PLCL2: variants seen among roughly 807,000 people sequenced by gnomAD.
The protein encoded by PLCL2 is phospholipase C like 2, also known as inactive phospholipase C-like protein 2.
Under a neutral mutation model 79.6 loss-of-function variants are expected in PLCL2, and 4 were observed. The ratio of observed to expected loss-of-function variants is 0.05; its 90% CI spans 0.02 to 0.11. The LOEUF is 0.11. Ranked by LOEUF, PLCL2 falls within the 10% of genes least tolerant of loss-of-function variation. The pLI, the probability that PLCL2 is intolerant of heterozygous loss-of-function variation, is 1.00. For synonymous variants in PLCL2, 484 were observed against 457.7 expected (o/e 1.06, Z -0.73); for missense variants, 895 against 1,291.0 (o/e 0.69, Z 4.70).
At chr3:16,954,606 A>T (rs1439915102) in intron 1 of PLCL2, among the ~76,000 whole-genome samples, 3 of 152,034 alleles carry the variant, frequency 2.0e-5, no homozygotes, top group East Asian at 1.9e-4. Flanking sequence ...CCCCACACTG[A>T]CTTCCACAAT....
At chr3:17,043,293 TGA>T (rs546938470) in intron 4 of PLCL2, among the ~76,000 whole-genome samples, 266 of 152,318 alleles carry the variant, frequency 1.7e-3, no homozygotes, top group Non-Finnish European at 2.9e-3. Flanking sequence ...TGGTCACCCG[TGA>T]CTCTGGTACA....
chr3:17,043,468 T>A (rs1279292060), intron 4 of PLCL2, among the ~76,000 whole-genome samples: 1 of 152,206 alleles, frequency 6.6e-6, no homozygotes, highest in African/African-American at 2.4e-5. Context: ...AAAATTCTTC[T>A]TATATAAACA....
At chr3:17,064,260 A>G (rs989353949) in intron 4 of PLCL2, among the ~76,000 whole-genome samples, 1 of 152,040 alleles carries the variant, frequency 6.6e-6, no homozygotes, top group East Asian at 1.9e-4. Context: ...ATCTTAATGG[A>G]TTTATTTTGT....
At chr3:16,907,850 A>G (rs549839382) in intron 1 of PLCL2, among the ~76,000 whole-genome samples, 1 of 152,352 alleles carries the variant, frequency 6.6e-6, no homozygotes, top group South Asian at 2.1e-4. Context: ...ACCTGCCTTC[A>G]TAATGACTGC....
At position 17,090,020 on chromosome 3, in the gene PLCL2, A is replaced by C; in HGVS notation, c.*108A>C. On this transcript the variant is annotated 3_prime_UTR_variant, in exon 6 of 6. Transcript: ENST00000615277. ...ATGAGAATAATATTCGGGATTTTAA[A>C]GCACAACTGGAATAGCTAATTACAG... The C allele has an allele frequency of 7.0e-7, 1 of 1,430,068 alleles. No homozygotes were observed. Among genetic ancestry groups the C allele is most frequent in the Middle Eastern group, 2.0e-4 (1 of 4,928 alleles). The allele number at this position is 1,430,068 out of a possible 1,614,324, so 88.6% of individuals were successfully genotyped here. A position where few individuals can be genotyped will look rare whatever the true frequency, so the allele number is the denominator to read the frequency against.
intron 4 of PLCL2, among the ~76,000 whole-genome samples, chr3:17,057,783 A>G (rs1575608440): frequency 6.6e-6 from 1 of 152,348 alleles, no homozygotes; most frequent in Middle Eastern, 3.4e-3. Flanking sequence ...TTGTTTGTTC[A>G]TAACGTTTCC....
chr3:16,948,862 T>C (rs2063624948), intron 1 of PLCL2, among the ~76,000 whole-genome samples: 1 of 152,208 alleles, frequency 6.6e-6, no homozygotes, highest in Non-Finnish European at 1.5e-5. Flanking sequence ...ATCCAGTATG[T>C]TTAATGAAGG....
intron 1 of PLCL2, among the ~76,000 whole-genome samples, chr3:16,954,588 T>C (rs545429183): frequency 1.3e-5 from 2 of 152,286 alleles, no homozygotes; most frequent in South Asian, 4.1e-4. Context: ...TCTAGATCCC[T>C]GAGGAATCCC....
intron 1 of PLCL2, among the ~76,000 whole-genome samples, chr3:16,912,960 C>A (rs1021039360): frequency 1.3e-5 from 2 of 152,196 alleles, no homozygotes; most frequent in Non-Finnish European, 2.9e-5. Context: ...TAGATAATTA[C>A]AAGAATTAAC....
Position 16,934,761 on chromosome 3 carries a change from C to T in PLCL2, c.327+49395C>T, listed in dbSNP as rs182044047. 5.9e-5 allele frequency among the ~76,000 whole-genome samples: 9 copies of T among 152,290 alleles called. No homozygotes were observed. The East Asian group carries it at 1.7e-3, about 29-fold the overall frequency. ...GGCAGTGCAACTAGGAAGAAGTAGA[C>T]ACAGAAGAGCTCTTCAGACAGTGGA... On this transcript the variant is annotated intron_variant, in intron 1 of 5. Transcript: ENST00000615277.
chr3:16,952,416 T>G (rs2063663698), intron 1 of PLCL2, among the ~76,000 whole-genome samples: 1 of 145,718 alleles, frequency 6.9e-6, no homozygotes, highest in African/African-American at 2.5e-5. Context: ...CTAACTACTT[T>G]TAGGAACCTG....
At chr3:16,982,837 T>G (rs1396066225) in intron 1 of PLCL2, among the ~76,000 whole-genome samples, 1 of 152,254 alleles carries the variant, frequency 6.6e-6, no homozygotes, top group Non-Finnish European at 1.5e-5. Context: ...TTCTAAAAAT[T>G]AAATCCCTTC....
intron 3 of PLCL2, among the ~76,000 whole-genome samples, chr3:17,037,578 T>G (rs2064671269): frequency 6.6e-6 from 1 of 152,188 alleles, no homozygotes; most frequent in Non-Finnish European, 1.5e-5. Context: ...ACATCTGTGT[T>G]GAGCAGGACA....
chr3:17,070,730 G>A (rs2065053304), intron 5 of PLCL2, among the ~76,000 whole-genome samples: 1 of 152,152 alleles, frequency 6.6e-6, no homozygotes, highest in African/African-American at 2.4e-5. Context: ...CATGGGATCT[G>A]TCGAGTTCCT....
chr3:17,014,334 A>AT (rs59962852), intron 2 of PLCL2, among the ~76,000 whole-genome samples: 4,381 of 151,572 alleles, frequency 0.029, 229 homozygotes, highest in African/African-American at 0.1. Context: ...ATCTGATTTG[A>AT]TTTTTTTTTC....
chr3:17,032,623 A>T (rs1575596396), intron 3 of PLCL2, among the ~76,000 whole-genome samples: 1 of 150,494 alleles, frequency 6.6e-6, no homozygotes, highest in Admixed American at 6.7e-5. Context: ...CTAATGTGGG[A>T]AGTGCCTCTC....
chr3:17,010,571 C>T lies in PLCL2; in HGVS notation c.1225C>T (p.Leu409Phe). 1 of 1,614,130 alleles carries T rather than the reference C, an allele frequency of 6.2e-7. No homozygotes were observed. The highest frequency in any genetic ancestry group is 8.5e-7 in the Non-Finnish European group (1 of 1,180,016). The change falls in exon 2 of 6, where the codon CTT (leucine) becomes TTT (phenylalanine). Residue 409 changes from leucine to phenylalanine, a missense_variant. Physicochemically the swap from Leu to Phe is conservative, Grantham distance 22 (BLOSUM62 0). Transcript: ENST00000615277. This position sits in a 1 kb window ranked among gnomAD's most constrained non-coding sequence, Gnocchi z 5.8. ...WLSIDGFTNY[L>F]MSPDCYIFDP... ...CTCCATAGACGGGTTCACTAATTAC[C>T]TTATGTCACCTGACTGTTATATATT... is the stretch of plus-strand genomic sequence containing the variant.
intron 1 of PLCL2, among the ~76,000 whole-genome samples, chr3:16,942,214 G>C (rs2063554021): frequency 6.6e-6 from 1 of 152,220 alleles, no homozygotes; most frequent in Non-Finnish European, 1.5e-5. Context: ...TCTGGAGTGA[G>C]AATCTGCTGA....
chr3:17,068,152 T>C lies in PLCL2; in HGVS notation c.3204+87T>C. On this transcript the variant is annotated intron_variant, in intron 5 of 5. Transcript: ENST00000615277. ...TCTTAGTATAACATTTCCTGCATTG[T>C]ACATGGTCAGCCACTGAGATTGTAG... 3 of 726,736 alleles carry C rather than the reference T, an allele frequency of 4.1e-6. No homozygotes were observed. The Admixed American group carries it at 6.4e-5, about 16-fold the overall frequency. The allele number at this position is 726,736 out of a possible 1,614,324, so 45.0% of individuals were successfully genotyped here. A position where few individuals can be genotyped will look rare whatever the true frequency, so the allele number is the denominator to read the frequency against.
Sources: allele counts gnomAD v4.1 joint callset (sites outside exome capture counted in the v4.1 genomes callset), GRCh38; gene constraint gnomAD v4.1.1; non-coding constraint Gnocchi (gnomAD v3.1); transcripts MANE v1.5; gene names NCBI Gene and HGNC (gene_info 2026-07-23, HGNC 2026-07-21).